The following FAM184A variants were observed in gnomAD, a reference collection of about 807,000 sequenced individuals.
The protein encoded by FAM184A is protein FAM184A.
FAM184A carries 99 observed loss-of-function variants against 143.8 expected under a neutral mutation model. The ratio of observed to expected loss-of-function variants is 0.69; its 90% confidence interval spans 0.58 to 0.81. The LOEUF (loss-of-function observed/expected upper bound fraction) is 0.81. Ranked by LOEUF, FAM184A falls within the 40% of genes least tolerant of loss-of-function variation. FAM184A has a pLI of 0.00. For missense variants in FAM184A, 1,217 were observed against 1,310.5 expected (o/e 0.93, Z 1.10); for synonymous variants, 427 against 446.4 (o/e 0.96, Z 0.55).
intron 2 of FAM184A, among the ~76,000 whole-genome samples, chr6:119,023,555 G>GCC (rs1299560319): frequency 6.0e-4 from 4 of 6,718 alleles, no homozygotes; most frequent in Non-Finnish European, 8.0e-4. Flanking sequence ...AATATTGTCC[G>GCC]CCCCCCCCCC....
chr6:119,125,001 G>A (rs1347931771), intron 1 of FAM184A, among the ~76,000 whole-genome samples: 1 of 152,146 alleles, frequency 6.6e-6, no homozygotes, highest in African/African-American at 2.4e-5. Flanking sequence ...ATTATGTATT[G>A]TAATTAAGCT....
At chr6:118,989,517 A>G (rs1784300704) in intron 9 of FAM184A, among the ~76,000 whole-genome samples, 1 of 152,072 alleles carries the variant, frequency 6.6e-6, no homozygotes, top group Non-Finnish European at 1.5e-5. Context: ...ATCTAAAGAT[A>G]GTTTTTATTG....
rs1048024751 is a variant in FAM184A, at chr6:118,961,865, G to C, written c.3237C>G (p.Asn1079Lys). The C allele has an allele frequency of 5.0e-6, 8 of 1,613,896 alleles. No homozygotes were observed. The highest frequency in any genetic ancestry group is 6.8e-6 in the Non-Finnish European group (8 of 1,179,866). Residue 1079 changes from asparagine to lysine, a missense_variant, in exon 17 of 18, where the codon AAC (asparagine) becomes AAG (lysine). Asn to Lys is a moderately conservative substitution (Grantham distance 94). Transcript: ENST00000338891. ...ESGGVGNGHP[N>K]RLDPIPNSPV... The stretch of plus-strand genomic sequence containing the variant: ...GAGAATTAGGAATGGGATCCAGGCG[G>C]TTAGGATGTCCATTGCCCACTCCAC...
At chr6:119,144,092 C>A (rs1467845425) in intron 1 of FAM184A, among the ~76,000 whole-genome samples, 1 of 151,822 alleles carries the variant, frequency 6.6e-6, no homozygotes, top group Non-Finnish European at 1.5e-5. Context: ...CTTTGGGAGG[C>A]CGAGGCGGGT....
At position 119,023,560 on chromosome 6, in the gene FAM184A, C is replaced by T. The variant is rs969832876; in HGVS notation, c.1014+399G>A. On this transcript the variant is annotated intron_variant, in intron 2 of 17. Transcript: ENST00000338891. Reference sequence around the variant, plus strand: ...AATAATTAGCAATATTGTCCGCCCCCCCCCCCAGGAACAGCGTATTACCTC... The same window carrying T: ...AATAATTAGCAATATTGTCCGCCCCTCCCCCCAGGAACAGCGTATTACCTC... Among the ~76,000 whole-genome samples the T allele has an allele frequency of 3.9e-4, 47 of 119,946 alleles. 1 individual carries two copies. Among genetic ancestry groups the T allele is most frequent in the African/African-American group, 1.4e-3 (44 of 32,274 alleles). 78.7% of individuals were successfully genotyped at this position (119,946 alleles called of 152,430 possible).
Position 119,078,566 on chromosome 6 carries a change from G to C in FAM184A, c.-267C>G. 1 of 275,446 alleles carries C rather than the reference G, an allele frequency of 3.6e-6. No homozygotes were observed. The highest frequency in any genetic ancestry group is 6.2e-5 in the East Asian group (1 of 16,058). 17.1% of individuals were successfully genotyped at this position (275,446 alleles called of 1,614,324 possible). ...GCGGCGGCGGCCGGGGGCCGGGCCA[G>C]CTCTTGGAGGCTCCTCGGCCCGCGC... On this transcript the variant is annotated 5_prime_UTR_variant, in exon 1 of 18. Transcript: ENST00000338891. The surrounding 1 kb of genome is among the most constrained non-coding windows in gnomAD (Gnocchi z 5.5).
intron 1 of FAM184A, among the ~76,000 whole-genome samples, chr6:119,028,778 A>G (rs894430730): frequency 1.3e-5 from 2 of 152,164 alleles, no homozygotes; most frequent in African/African-American, 4.8e-5. Flanking sequence ...CCCTCTACTT[A>G]CTTTTTTGCC....
At chr6:118,989,095 G>A (rs1784281305) in intron 9 of FAM184A, among the ~76,000 whole-genome samples, 1 of 151,560 alleles carries the variant, frequency 6.6e-6, no homozygotes, top group African/African-American at 2.4e-5. Context: ...CCAAGTAGCT[G>A]GGACTACAGG....
intron 1 of FAM184A, among the ~76,000 whole-genome samples, chr6:119,027,992 C>T (rs937486668): frequency 6.6e-6 from 1 of 152,216 alleles, no homozygotes; most frequent in Non-Finnish European, 1.5e-5. Flanking sequence ...GTGCCCCCCA[C>T]TTCAAATGTC....
chr6:119,083,819 G>A (rs908895038), intron 1 of FAM184A, among the ~76,000 whole-genome samples: 1 of 152,082 alleles, frequency 6.6e-6, no homozygotes. Context: ...CCTCCAAACT[G>A]TTCCAGTTCT....
In FAM184A at chr6:119,031,528, T is replaced by G. The variant is rs550027682; in HGVS notation, c.160-6715A>C. On this transcript the variant is annotated intron_variant, in intron 1 of 17. Transcript: ENST00000338891. The stretch of plus-strand genomic sequence containing the variant: ...TCCCAGACTGTAAGAAATAAATTTT[T>G]ATTGTTTGAGCCACTCAGTCCAGGT... 3 of 152,358 alleles carry G rather than the reference T, an allele frequency of 2.0e-5. No individual in the cohort carries two copies. In the South Asian group the frequency reaches 6.2e-4, roughly 32 times the overall value. 9.4% of individuals were successfully genotyped at this position (152,358 alleles called of 1,614,324 possible). A position where few individuals can be genotyped will look rare whatever the true frequency, so the allele number is the denominator to read the frequency against.
At chr6:119,142,654 C>T (rs1772286782) in intron 1 of FAM184A, among the ~76,000 whole-genome samples, 1 of 152,130 alleles carries the variant, frequency 6.6e-6, no homozygotes, top group South Asian at 2.1e-4. Context: ...TACTCCTCTC[C>T]AGTACGAAGC....
intron 1 of FAM184A, among the ~76,000 whole-genome samples, chr6:119,066,573 G>C (rs955293619): frequency 1.3e-5 from 2 of 152,174 alleles, no homozygotes; most frequent in African/African-American, 4.8e-5. Flanking sequence ...CCAGAAGTAA[G>C]AATAGAGAGA....
intron 1 of FAM184A, among the ~76,000 whole-genome samples, chr6:119,087,617 G>A (rs1788254819): frequency 6.6e-6 from 1 of 152,192 alleles, no homozygotes; most frequent in Non-Finnish European, 1.5e-5. Context: ...GGTACATGGA[G>A]AAATTGGGAT....
intron 14 of FAM184A, among the ~76,000 whole-genome samples, chr6:118,968,222 G>A (rs762042925): frequency 2.6e-5 from 4 of 152,112 alleles, no homozygotes; most frequent in East Asian, 3.9e-4. Context: ...AATTGTCTTC[G>A]GGCACACAAA....
intron 1 of FAM184A, among the ~76,000 whole-genome samples, chr6:119,040,395 CCT>C (rs1366277974): frequency 2.0e-5 from 3 of 152,282 alleles, no homozygotes; most frequent in Non-Finnish European, 2.9e-5. Flanking sequence ...CATGGCTTTT[CCT>C]CTCTTTCCTG....
At chr6:119,032,933 T>A (rs1785947720) in intron 1 of FAM184A, among the ~76,000 whole-genome samples, 2 of 152,142 alleles carry the variant, frequency 1.3e-5, no homozygotes, top group South Asian at 4.1e-4. Flanking sequence ...CTCAAACTTC[T>A]CAAAAACAGT....
At chr6:119,140,024 G>A (rs578261910) in intron 1 of FAM184A, among the ~76,000 whole-genome samples, 3 of 152,352 alleles carry the variant, frequency 2.0e-5, no homozygotes, top group East Asian at 1.9e-4. Context: ...ACCTCAGGCC[G>A]CTGAGTGAGA....
At chr6:118,983,395 T>C (rs1391205202) in intron 9 of FAM184A, among the ~76,000 whole-genome samples, 2 of 152,144 alleles carry the variant, frequency 1.3e-5, no homozygotes, top group Non-Finnish European at 2.9e-5. Flanking sequence ...AAACCTCTGC[T>C]TTAAAAGGTT....
Sources: allele counts gnomAD v4.1 joint callset (sites outside exome capture counted in the v4.1 genomes callset), GRCh38; gene constraint gnomAD v4.1.1; non-coding constraint Gnocchi (gnomAD v3.1); transcripts MANE v1.5; gene names NCBI Gene and HGNC (gene_info 2026-07-23, HGNC 2026-07-21).